Variants in LTBP1 observed in about 807,000 individuals in gnomAD.
LTBP1 encodes the protein latent transforming growth factor beta binding protein 1, also known as latent-transforming growth factor beta-binding protein 1.
LTBP1 carries 129 observed loss-of-function variants against 207.6 expected under a neutral mutation model. That is an observed-to-expected ratio of 0.62 (90% CI 0.54 to 0.72). The LOEUF is 0.72. Among genes scored for constraint, LTBP1 ranks in the 30% least tolerant of loss-of-function variants. The pLI is 0.00. For missense variants in LTBP1, 2,281 were observed against 2,217.2 expected (o/e 1.03, Z -0.58); for synonymous variants, 963 against 833.7 (o/e 1.16, Z -2.67).
intron 15 of LTBP1, among the ~76,000 whole-genome samples, chr2:33,269,275 G>A (rs2093261969): frequency 6.6e-6 from 1 of 152,184 alleles, no homozygotes; most frequent in Non-Finnish European, 1.5e-5. Flanking sequence ...CTTGTTGCTG[G>A]TATAAATAGA....
Position 33,347,843 on chromosome 2 carries a change from C to T in LTBP1, c.4000+333C>T, listed in dbSNP as rs138008759. ...CTCAGGATTTAATATGGCACCATCTCATTAAGTTGCATAATCCTCCATACG... is the reference window on the plus strand; with the variant it reads ...CTCAGGATTTAATATGGCACCATCTTATTAAGTTGCATAATCCTCCATACG... On this transcript the variant is annotated intron_variant, in intron 26 of 33. Coordinates refer to ENST00000404816, the MANE Select transcript of LTBP1 (RefSeq NM_206943.4). Among the ~76,000 whole-genome samples the T allele has an allele frequency of 1.2e-3, 180 of 152,336 alleles. 7 individuals are homozygous for T. The East Asian group carries it at 0.03, about 26-fold the overall frequency.
intron 3 of LTBP1, among the ~76,000 whole-genome samples, chr2:33,065,025 C>T (rs539658125): frequency 1.3e-5 from 2 of 152,222 alleles, no homozygotes; most frequent in East Asian, 3.9e-4. Flanking sequence ...CAGTATAATA[C>T]ATTAACAAAA....
intron 26 of LTBP1, among the ~76,000 whole-genome samples, chr2:33,354,098 C>T (rs756474759): frequency 6.6e-6 from 1 of 152,038 alleles, no homozygotes; most frequent in African/African-American, 2.4e-5. Flanking sequence ...CTCCTGACCT[C>T]GTGATCCTCC....
At chr2:33,175,065 C>G (rs1274700847) in intron 5 of LTBP1, among the ~76,000 whole-genome samples, 1 of 152,066 alleles carries the variant, frequency 6.6e-6, no homozygotes, top group Non-Finnish European at 1.5e-5. Flanking sequence ...TAGAAGAAAA[C>G]CTAGGCATTA....
intron 31 of LTBP1, 103 bp downstream of exon 31, chr2:33,365,606 C>G: frequency 9.0e-7 from 1 of 1,110,420 alleles, no homozygotes; most frequent in Admixed American, 2.3e-5. Context: ...GCCTTCACTC[C>G]TGATATCTTA....
At chr2:33,011,889 A>G (rs1187488419) in intron 2 of LTBP1, among the ~76,000 whole-genome samples, 2 of 151,928 alleles carry the variant, frequency 1.3e-5, no homozygotes, top group Non-Finnish European at 2.9e-5. Context: ...TCTGTGGCAG[A>G]TTTTAACACT....
intron 20 of LTBP1, among the ~76,000 whole-genome samples, chr2:33,294,905 GT>G (rs1002061350): frequency 2.0e-4 from 30 of 147,390 alleles, no homozygotes; most frequent in South Asian, 8.7e-4. Flanking sequence ...TTACTATTTG[GT>G]TTTTTTTTTA....
In LTBP1 at chr2:33,300,462, T is replaced by C. The variant is rs1157681677; in HGVS notation, c.3247T>C (p.Cys1083Arg). 3.1e-6 allele frequency: 5 copies of C among 1,613,136 alleles called. No homozygotes were observed. The highest frequency in any genetic ancestry group is 2.5e-6 in the Non-Finnish European group (3 of 1,179,464). ...TGTTGTGTTTGCAGATATTGATGAA[T>C]GTCAGCAAGGGAATCTATGTGTAAA... ...DHKHCRDIDE[C>R]QQGNLCVNGQ... Residue 1083 changes from cysteine to arginine, a missense_variant, in exon 21 of 34, where the codon TGT becomes CGT. Physicochemically the swap from Cys to Arg is radical, Grantham distance 180. Around this residue, in one of 3 missense-constraint regions of LTBP1, gnomAD observed 1,671 missense variants for 1,634.8 expected, o/e 1.02. Transcript: ENST00000404816.
chr2:33,286,847 C>G (rs544438523), intron 19 of LTBP1, among the ~76,000 whole-genome samples: 1 of 152,104 alleles, frequency 6.6e-6, no homozygotes, highest in Non-Finnish European at 1.5e-5. Context: ...AACCAAACAC[C>G]GCATGTTCTC....
At chr2:33,326,638 A>ACAATT (rs2094430820) in intron 24 of LTBP1, among the ~76,000 whole-genome samples, 1 of 62,950 alleles carries the variant, frequency 1.6e-5, no homozygotes, top group African/African-American at 7.3e-5. Flanking sequence ...AATGAGGGAT[A>ACAATT]TAATTTATTT....
At chr2:33,387,479 C>T (rs1183864102) in intron 31 of LTBP1, among the ~76,000 whole-genome samples, 1 of 152,224 alleles carries the variant, frequency 6.6e-6, no homozygotes, top group Admixed American at 6.5e-5. Flanking sequence ...GCTGGGACGC[C>T]TGGAGTCTGG....
At chr2:33,004,811 ATAT>A (rs1558501515) in intron 2 of LTBP1, among the ~76,000 whole-genome samples, 5 of 145,786 alleles carry the variant, frequency 3.4e-5, no homozygotes, top group Non-Finnish European at 7.5e-5. Flanking sequence ...ATATATATAT[ATAT>A]AAACATAAAA....
intron 15 of LTBP1, among the ~76,000 whole-genome samples, chr2:33,270,805 G>A (rs1344999620): frequency 2.0e-5 from 3 of 151,962 alleles, no homozygotes; most frequent in East Asian, 1.9e-4. Flanking sequence ...TACATGTAAC[G>A]TGATCCTGAC....
chr2:33,236,382 C>T (rs1335089726), intron 9 of LTBP1, among the ~76,000 whole-genome samples: 1 of 152,226 alleles, frequency 6.6e-6, no homozygotes, highest in African/African-American at 2.4e-5. Flanking sequence ...CTTAGAACTA[C>T]TGCTGCACTT....
At chr2:33,012,011 C>G (rs1409076752) in intron 2 of LTBP1, among the ~76,000 whole-genome samples, 1 of 152,014 alleles carries the variant, frequency 6.6e-6, no homozygotes, top group South Asian at 2.1e-4. Context: ...ACTGTGATCA[C>G]CCCCCATCAG....
At chr2:33,317,626 A>C (rs2094291769) in intron 24 of LTBP1, 1 of 152,236 alleles carries the variant, frequency 6.6e-6, no homozygotes, top group Non-Finnish European at 1.5e-5. Flanking sequence ...GCAGTTGTAC[A>C]TAGTACTTGA....
intron 31 of LTBP1, among the ~76,000 whole-genome samples, chr2:33,370,535 C>T (rs1401292479): frequency 6.6e-6 from 1 of 152,298 alleles, no homozygotes; most frequent in East Asian, 1.9e-4. Flanking sequence ...GCTCTAGAGC[C>T]ATCTAATAGC....
intron 2 of LTBP1, among the ~76,000 whole-genome samples, chr2:32,951,936 T>A (rs1677175229): frequency 6.6e-6 from 1 of 152,320 alleles, no homozygotes; most frequent in South Asian, 2.1e-4. Context: ...CCACATGAAG[T>A]TCCCCCTTAT....
In LTBP1 at chr2:33,262,792, C is replaced by A; in HGVS notation, c.2489C>A (p.Ser830Tyr). The change falls in exon 14 of 34, where the codon TCC becomes TAC. Residue 830 changes from serine (S) to tyrosine (Y), a missense_variant. Transcript: ENST00000404816. The stretch of plus-strand genomic sequence containing the variant: ...CAACCCCAGCTGTCTCCAGGCATTT[C>A]CACTATTCATCTGCATCCACAGTTT... ...PGQPQLSPGI[S>Y]TIHLHPQFPV... 2.5e-6 allele frequency: 4 copies of A among 1,606,496 alleles called. No homozygotes were observed. Among genetic ancestry groups the A allele is most frequent in the Non-Finnish European group, 3.4e-6 (4 of 1,175,304 alleles).
Sources: allele counts gnomAD v4.1 joint callset (sites outside exome capture counted in the v4.1 genomes callset), GRCh38; gene constraint gnomAD v4.1.1; regional missense constraint gnomAD v4.1.1; transcripts MANE v1.5; gene names NCBI Gene and HGNC (gene_info 2026-07-23, HGNC 2026-07-21).